Variants in BACH2 observed in about 807,000 individuals in gnomAD.
BACH2 encodes transcription regulator protein BACH2.
BACH2 carries 5 observed loss-of-function variants against 61.8 expected under a neutral mutation model. The observed-to-expected ratio is 0.08, with a 90% CI of 0.04 to 0.17. The LOEUF (loss-of-function observed/expected upper bound fraction) is 0.17, where lower values mean the gene tolerates loss of function less well. BACH2 is among the 10% of genes least tolerant of loss of function. BACH2 has a pLI of 1.00. For missense variants in BACH2, 824 were observed against 1,091.1 expected (o/e 0.76, Z 3.45); for synonymous variants, 446 against 440.1 (o/e 1.01, Z -0.17).
At chr6:89,947,143 G>A (rs557949244) in intron 7 of BACH2, among the ~76,000 whole-genome samples, 45 of 152,322 alleles carry the variant, frequency 3.0e-4, no homozygotes, top group Middle Eastern at 3.4e-3. Flanking sequence ...TGGTGTCTCC[G>A]TGGGGTTCAC....
chr6:90,235,374 G>T (rs1460711901), intron 3 of BACH2, among the ~76,000 whole-genome samples: 2 of 152,128 alleles, frequency 1.3e-5, no homozygotes, highest in African/African-American at 4.8e-5. Context: ...TACATCACAG[G>T]GTTGTGAAGA....
chr6:90,177,151 C>T (rs1768008438), intron 4 of BACH2, among the ~76,000 whole-genome samples: 1 of 152,204 alleles, frequency 6.6e-6, no homozygotes, highest in Admixed American at 6.5e-5. Flanking sequence ...ACACTTCATT[C>T]TGAAGCCTCC....
chr6:90,075,193 A>G (rs1781418465), intron 5 of BACH2, among the ~76,000 whole-genome samples: 1 of 152,186 alleles, frequency 6.6e-6, no homozygotes, highest in African/African-American at 2.4e-5. Flanking sequence ...AGTAAACAGA[A>G]TACAAAAAGG....
Position 90,212,242 on chromosome 6 carries a change from T to C in BACH2, c.-274-5561A>G, listed in dbSNP as rs141132855. On this transcript the variant is annotated intron_variant, in intron 3 of 8. Coordinates refer to ENST00000257749, the MANE Select transcript of BACH2 (RefSeq NM_021813.4). The stretch of plus-strand genomic sequence containing the variant: ...TTACAGAAAGCTAATCCCTCCCTTC[T>C]ACCATAGGGGGCATGGTGCTGGGAT... Among the ~76,000 whole-genome samples the C allele has an allele frequency of 9.1e-4, 138 of 152,326 alleles. 1 individual carries two copies. Among genetic ancestry groups the C allele is most frequent in the African/African-American group, 3.2e-3 (135 of 41,590 alleles).
At chr6:89,949,384 C>G (rs769713731) in intron 7 of BACH2, among the ~76,000 whole-genome samples, 2 of 152,146 alleles carry the variant, frequency 1.3e-5, no homozygotes, top group African/African-American at 4.8e-5. Context: ...CGCCAGGTCA[C>G]GACACAGACT....
At chr6:90,187,431 T>C (rs936078668) in intron 4 of BACH2, among the ~76,000 whole-genome samples, 3 of 152,238 alleles carry the variant, frequency 2.0e-5, no homozygotes, top group Admixed American at 6.5e-5. Flanking sequence ...GCCCAATCTA[T>C]AAAACTCTGA....
intron 3 of BACH2, among the ~76,000 whole-genome samples, chr6:90,214,499 A>G (rs954420066): frequency 1.3e-5 from 2 of 152,210 alleles, no homozygotes; most frequent in Non-Finnish European, 2.9e-5. Context: ...TAAGGGGGCC[A>G]GCTATCTCTC....
rs71298713 is a variant in BACH2, at chr6:89,939,656, CTTTTTTTTTTTTTTTT to C, written c.1837-1322_1837-1307del. On this transcript the variant is annotated intron_variant, in intron 7 of 8. Transcript: ENST00000257749. ...TGTTGTTAAATGATTGCTTATATTT[CTTTTTTTTTTTTTTTT>C]TTTTTTTTTTGAGACAGGGTCTTGC... is the stretch of plus-strand genomic sequence containing the variant. Among the ~76,000 whole-genome samples, 130 of 82,622 alleles carry C rather than the reference CTTTTTTTTTTTTTTTT, an allele frequency of 1.6e-3. 1 individual carries two copies. The highest frequency in any genetic ancestry group is 9.5e-3 in the Admixed American group (56 of 5,900). 54.2% of individuals were successfully genotyped at this position (82,622 alleles called of 152,430 possible). A position where few individuals can be genotyped will look rare whatever the true frequency, so the allele number is the denominator to read the frequency against.
chr6:90,211,709 C>T (rs1769360473), intron 3 of BACH2, among the ~76,000 whole-genome samples: 1 of 152,004 alleles, frequency 6.6e-6, no homozygotes, highest in African/African-American at 2.4e-5. Flanking sequence ...TTTCTCCCCA[C>T]TCCAACTCCC....
intron 5 of BACH2, among the ~76,000 whole-genome samples, chr6:90,041,177 G>T (rs1324667877): frequency 1.3e-5 from 2 of 151,964 alleles, no homozygotes; most frequent in African/African-American, 4.8e-5. Context: ...CCTATTACTG[G>T]GTATATTCCT....
At chr6:90,215,295 C>T (rs577030261) in intron 3 of BACH2, among the ~76,000 whole-genome samples, 7 of 152,150 alleles carry the variant, frequency 4.6e-5, no homozygotes, top group Admixed American at 2.0e-4. Flanking sequence ...TTCCATCCCC[C>T]TGGTCTGTGC....
intron 5 of BACH2, among the ~76,000 whole-genome samples, chr6:90,054,394 T>A (rs955417069): frequency 6.6e-6 from 1 of 152,164 alleles, no homozygotes; most frequent in Non-Finnish European, 1.5e-5. Context: ...GAGATCAAAC[T>A]GCAAGGCGGC....
chr6:89,982,640 T>C (rs543127466), intron 6 of BACH2, among the ~76,000 whole-genome samples: 2 of 152,304 alleles, frequency 1.3e-5, no homozygotes, highest in East Asian at 3.9e-4. Context: ...GTGTGTACCA[T>C]AATAAATATC....
intron 6 of BACH2, among the ~76,000 whole-genome samples, chr6:89,994,195 C>T (rs1776728307): frequency 6.6e-6 from 1 of 152,140 alleles, no homozygotes; most frequent in African/African-American, 2.4e-5. Context: ...GACACCTTTC[C>T]TCACACTCCC....
chr6:89,951,718 G>C lies in BACH2; in HGVS notation c.388C>G (p.Gln130Glu), dbSNP rs776001544. Residue 130 changes from glutamine (Q) to glutamate (E), a missense_variant, in exon 7 of 9, where the codon CAG becomes GAG. Gln to Glu is a conservative substitution (Grantham distance 29). Around this residue, in one of 8 missense-constraint regions of BACH2, gnomAD observed 107 missense variants for 121.7 expected, o/e 0.88. Coordinates refer to ENST00000257749, the MANE Select transcript of BACH2 (RefSeq NM_021813.4). The surrounding 1 kb of genome is among the most constrained non-coding windows in gnomAD (Gnocchi z 6.4). The part of the protein sequence containing the change: ...NLEDSCFSFL[Q>E]TQLLNSEDGL... ...TCCTCACTGTTCAGGAGCTGGGTCT[G>C]CAGGAAGCTGAAGCAGGAGTCCTCC... is the stretch of plus-strand genomic sequence containing the variant. The C allele has an allele frequency of 3.1e-6, 5 of 1,614,248 alleles. No homozygotes were observed. In the South Asian group the frequency reaches 5.5e-5, roughly 18 times the overall value.
At chr6:90,233,641 C>G (rs1238802917) in intron 3 of BACH2, among the ~76,000 whole-genome samples, 1 of 152,176 alleles carries the variant, frequency 6.6e-6, no homozygotes, top group African/African-American at 2.4e-5. Context: ...GGGTCCTCGA[C>G]AAAATGCCTG....
chr6:90,269,187 C>G (rs890309951), intron 2 of BACH2, among the ~76,000 whole-genome samples: 2 of 152,062 alleles, frequency 1.3e-5, no homozygotes, highest in African/African-American at 4.8e-5. Flanking sequence ...GGGCTAAGGT[C>G]TGACTACTCC....
intron 1 of BACH2, among the ~76,000 whole-genome samples, chr6:90,296,169 T>A (rs576961061): frequency 6.6e-6 from 1 of 152,052 alleles, no homozygotes; most frequent in Admixed American, 6.5e-5. Context: ...CTCCTCCCTC[T>A]GCTGTTCCAA....
chr6:90,273,785 G>T (rs981554169), intron 1 of BACH2, among the ~76,000 whole-genome samples: 1 of 152,128 alleles, frequency 6.6e-6, no homozygotes, highest in Non-Finnish European at 1.5e-5. Flanking sequence ...GTGGAGGGAA[G>T]CTCACAGGCT....
Sources: gnomAD v4.1 joint callset for allele counts (sites outside exome capture counted in the v4.1 genomes callset) on GRCh38, gnomAD v4.1.1 for gene constraint, gnomAD v4.1.1 regional missense constraint, Gnocchi (gnomAD v3.1) non-coding constraint, MANE v1.5 for transcripts, NCBI Gene and HGNC (gene_info 2026-07-23, HGNC 2026-07-21) for gene names.